Variants in C1QTNF7 observed in about 807,000 individuals in gnomAD.
C1QTNF7 encodes C1q and TNF related 7, also known as complement C1q tumor necrosis factor-related protein 7.
In C1QTNF7, 15 loss-of-function variants were observed where a neutral mutation model predicts 19.6. The ratio of observed to expected loss-of-function variants is 0.76; its 90% CI spans 0.51 to 1.18. The LOEUF is 1.18. Ranked by LOEUF, C1QTNF7 falls within the 50% of genes most tolerant of loss-of-function variation. The pLI, the probability that C1QTNF7 is intolerant of heterozygous loss-of-function variation, is 0.00. For missense variants in C1QTNF7, 324 were observed against 359.7 expected (o/e 0.90, Z 0.80); for synonymous variants, 142 against 137.5 (o/e 1.03, Z -0.23).
Position 15,368,253 on chromosome 4 carries a change from G to A in C1QTNF7, c.13+28046G>A, listed in dbSNP as rs140501652. On this transcript the variant is annotated intron_variant, in intron 1 of 2. Coordinates refer to the C1QTNF7 transcript ENST00000295297. Reference sequence around the variant, plus strand: ...GGATGTATCAGTTGTCCACACCCCCGACTCTTTCAGCATGCTTTTTTCTTT... The same window carrying A: ...GGATGTATCAGTTGTCCACACCCCCAACTCTTTCAGCATGCTTTTTTCTTT... Among the ~76,000 whole-genome samples, 453 of 152,000 alleles carry A rather than the reference G, an allele frequency of 3.0e-3. 2 individuals are homozygous for A. Among genetic ancestry groups the A allele is most frequent in the African/African-American group, 0.01 (431 of 41,462 alleles).
chr4:15,397,204 C>T (rs1391850230), intron 1 of C1QTNF7, among the ~76,000 whole-genome samples: 1 of 152,170 alleles, frequency 6.6e-6, no homozygotes, highest in Non-Finnish European at 1.5e-5. Flanking sequence ...GAGTACAATC[C>T]AAGATGAGAT....
At chr4:15,398,814 A>G (rs1718881034) in intron 1 of C1QTNF7, among the ~76,000 whole-genome samples, 1 of 152,244 alleles carries the variant, frequency 6.6e-6, no homozygotes, top group Non-Finnish European at 1.5e-5. Flanking sequence ...AATGAAAGGA[A>G]GTAAAGTATA....
intron 1 of C1QTNF7, among the ~76,000 whole-genome samples, chr4:15,371,777 G>A (rs1212677075): frequency 6.6e-6 from 1 of 152,132 alleles, no homozygotes; most frequent in Non-Finnish European, 1.5e-5. Flanking sequence ...GAAGGGGGCT[G>A]GGAGGGATGC....
chr4:15,348,164 A>G (rs969489746), intron 1 of C1QTNF7, among the ~76,000 whole-genome samples: 1 of 152,174 alleles, frequency 6.6e-6, no homozygotes, highest in Non-Finnish European at 1.5e-5. Context: ...CCCTGGACAA[A>G]TTGATATCCA....
At chr4:15,388,907 G>A (rs770083552) in intron 1 of C1QTNF7, among the ~76,000 whole-genome samples, 32 of 152,152 alleles carry the variant, frequency 2.1e-4, no homozygotes, top group Non-Finnish European at 4.3e-4. Context: ...TTCACCTCTG[G>A]AGGATGGATG....
At chr4:15,412,721 A>G (rs12233742) in intron 1 of C1QTNF7, among the ~76,000 whole-genome samples, 38,617 of 152,112 alleles carry the variant, frequency 0.25, 5,913 homozygotes, top group East Asian at 0.37. Context: ...GCAGCTCACC[A>G]CACCTGGAAA....
intron 1 of C1QTNF7, among the ~76,000 whole-genome samples, chr4:15,349,371 A>G (rs1285852605): frequency 6.6e-6 from 1 of 152,174 alleles, no homozygotes; most frequent in African/African-American, 2.4e-5. Flanking sequence ...TGCAGTATAT[A>G]GGACCCCAGA....
At chr4:15,352,071 T>C (rs1336976458) in intron 1 of C1QTNF7, among the ~76,000 whole-genome samples, 1 of 152,158 alleles carries the variant, frequency 6.6e-6, no homozygotes, top group Non-Finnish European at 1.5e-5. Flanking sequence ...ATGATGAGAA[T>C]ATTTTGCCTC....
rs556102664 is a variant in C1QTNF7, at chr4:15,439,847, T to C, written c.239-2321T>C. Among the ~76,000 whole-genome samples the C allele has an allele frequency of 2.6e-5, 4 of 152,138 alleles. No individual in the cohort carries two copies. In the East Asian group the frequency reaches 5.8e-4, roughly 22 times the overall value. ...CGATGGTATTAAATCATTGCTGTTATATATATAAAATCATTGCTTTTTTAT... is the reference window on the plus strand; with the variant it reads ...CGATGGTATTAAATCATTGCTGTTACATATATAAAATCATTGCTTTTTTAT... On this transcript the variant is annotated intron_variant, in intron 2 of 2. Coordinates refer to ENST00000444304, the MANE Select transcript of C1QTNF7 (RefSeq NM_031911.5).
intron 1 of C1QTNF7, among the ~76,000 whole-genome samples, chr4:15,399,532 A>G (rs1483259926): frequency 6.6e-6 from 1 of 152,192 alleles, no homozygotes; most frequent in Non-Finnish European, 1.5e-5. Context: ...GAATGGGGAT[A>G]ATAATAATCA....
At chr4:15,392,789 G>A (rs1718618619) in intron 1 of C1QTNF7, among the ~76,000 whole-genome samples, 1 of 152,144 alleles carries the variant, frequency 6.6e-6, no homozygotes, top group African/African-American at 2.4e-5. Context: ...GGCAACATGG[G>A]ATTTTCAAAA....
In C1QTNF7 at chr4:15,358,709, A is replaced by G. The variant is rs1457469128; in HGVS notation, c.13+18502A>G. On this transcript the variant is annotated intron_variant, in intron 1 of 2. Coordinates refer to the C1QTNF7 transcript ENST00000295297. ...TATGTTAAAGAAGATAAAAGAAAAGAAGCCAGGCTCTATTAGAGGACATAC... is the reference window on the plus strand; with the variant it reads ...TATGTTAAAGAAGATAAAAGAAAAGGAGCCAGGCTCTATTAGAGGACATAC... 1.3e-5 allele frequency: 2 copies of G among 152,180 alleles called. 1 individual carries two copies. Among genetic ancestry groups the G allele is most frequent in the Non-Finnish European group, 2.9e-5 (2 of 68,030 alleles). 9.4% of individuals were successfully genotyped at this position (152,180 alleles called of 1,614,324 possible). A position where few individuals can be genotyped will look rare whatever the true frequency, so the allele number is the denominator to read the frequency against.
chr4:15,346,440 T>G (rs1004675001), intron 1 of C1QTNF7, among the ~76,000 whole-genome samples: 22 of 152,338 alleles, frequency 1.4e-4, no homozygotes, highest in African/African-American at 4.8e-4. Flanking sequence ...CTAATGTAGT[T>G]GCCTCAAAAC....
chr4:15,392,898 C>G (rs779279120), intron 1 of C1QTNF7, among the ~76,000 whole-genome samples: 7 of 152,172 alleles, frequency 4.6e-5, no homozygotes, highest in African/African-American at 7.2e-5. Context: ...AAATCACCAT[C>G]ATGACTGCAA....
At chr4:15,377,747 C>G (rs535325020) in intron 1 of C1QTNF7, among the ~76,000 whole-genome samples, 1 of 152,234 alleles carries the variant, frequency 6.6e-6, no homozygotes, top group Middle Eastern at 3.4e-3. Context: ...TGACTTGAAG[C>G]AAAATATCCC....
chr4:15,442,592 C>T lies in C1QTNF7; in HGVS notation c.663C>T (p.Phe221=), dbSNP rs140722077. The T allele has an allele frequency of 1.1e-4, 185 of 1,614,148 alleles. No homozygotes were observed. In the African/African-American group the frequency reaches 2.0e-3, roughly 18 times the overall value. The change falls in exon 3 of 3, where the codon TTC becomes TTT. Residue 221 remains phenylalanine (F), a synonymous_variant. Transcript: ENST00000444304. ...VHNGQYRIKT[F]DANTGNHDVA... ...ATGGGCAATACCGGATAAAGACCTTCGACGCCAACACAGGAAACCATGATG... is the reference window on the plus strand; with the variant it reads ...ATGGGCAATACCGGATAAAGACCTTTGACGCCAACACAGGAAACCATGATG...
intron 1 of C1QTNF7, among the ~76,000 whole-genome samples, chr4:15,359,267 C>G (rs574481289): frequency 6.6e-6 from 1 of 152,236 alleles, no homozygotes; most frequent in South Asian, 2.1e-4. Context: ...AACACTATGA[C>G]AAGTCATGAA....
chr4:15,371,585 C>G (rs996085650), intron 1 of C1QTNF7, among the ~76,000 whole-genome samples: 2 of 151,920 alleles, frequency 1.3e-5, no homozygotes, highest in Non-Finnish European at 2.9e-5. Context: ...ATAACCACTA[C>G]AATAATAAAA....
chr4:15,374,638 T>C, intron 1 of C1QTNF7: 1 of 985,334 alleles, frequency 1.0e-6, no homozygotes, highest in African/African-American at 1.7e-5. Context: ...AGGAAATTAC[T>C]TATCAATCTG....
Sources: gnomAD v4.1 joint callset for allele counts (sites outside exome capture counted in the v4.1 genomes callset) on GRCh38, gnomAD v4.1.1 for gene constraint, MANE v1.5 for transcripts, NCBI Gene and HGNC (gene_info 2026-07-23, HGNC 2026-07-21) for gene names.